C10orf67: variants seen among roughly 807,000 people sequenced by gnomAD.
C10orf67 encodes the protein chromosome 10 open reading frame 67, also known as uncharacterized protein C10orf67, mitochondrial.
Under a neutral mutation model 35.6 loss-of-function variants are expected in C10orf67, and 60 were observed. That is an observed-to-expected ratio of 1.68 (90% CI 1.37 to 2.09). The LOEUF (loss-of-function observed/expected upper bound fraction) is 2.09. C10orf67 is among the 30% of genes most tolerant of loss of function. The pLI is 0.00. For missense variants in C10orf67, 474 were observed against 330.2 expected (o/e 1.44, Z -3.38); for synonymous variants, 167 against 115.8 (o/e 1.44, Z -2.84).
chr10:23,312,190 C>G (rs1422460721), intron 4 of C10orf67, among the ~76,000 whole-genome samples: 1 of 152,066 alleles, frequency 6.6e-6, no homozygotes, highest in African/African-American at 2.4e-5. Flanking sequence ...TTAGTACTTC[C>G]GTAAGACAAA....
chr10:23,242,674 G>A (rs992791502), intron 12 of C10orf67, among the ~76,000 whole-genome samples: 1 of 152,022 alleles, frequency 6.6e-6, no homozygotes, highest in Non-Finnish European at 1.5e-5. Context: ...TGGGAAATTG[G>A]TATCAACAGT....
At chr10:23,219,140 T>C (rs1358496259) in intron 15 of C10orf67, among the ~76,000 whole-genome samples, 1 of 152,222 alleles carries the variant, frequency 6.6e-6, no homozygotes, top group Admixed American at 6.5e-5. Context: ...TCTAATATGT[T>C]ACAATTGTTC....
At chr10:23,323,934 T>TATATATATAC (rs1564513653) in intron 2 of C10orf67, among the ~76,000 whole-genome samples, 1 of 63,792 alleles carries the variant, frequency 1.6e-5, no homozygotes, top group Non-Finnish European at 3.4e-5. Context: ...TATATATATA[T>TATATATATAC]ATATATATAT....
At position 23,320,804 on chromosome 10, in the gene C10orf67, C is replaced by A. The variant is rs769817249; in HGVS notation, c.483G>T (p.Lys161Asn). 3 of 1,581,080 alleles carry A rather than the reference C, an allele frequency of 1.9e-6. No individual in the cohort carries two copies. In the East Asian group the frequency reaches 6.8e-5, roughly 36 times the overall value. The change falls in exon 4 of 16, where the codon AAG becomes AAT. Residue 161 changes from lysine to asparagine, a missense_variant. Lys to Asn is a moderately conservative substitution (Grantham distance 94). Coordinates refer to ENST00000636213, the MANE Select transcript of C10orf67 (RefSeq NM_001371909.1). ...IEKHYQQNED[K>N]MRKSFNQQLA... The stretch of plus-strand genomic sequence containing the variant: ...ACTGCTGATTGAAGGATTTTCTCAT[C>A]TTATCCTCATTCTGCAAACAAAAAT...
intron 7 of C10orf67, among the ~76,000 whole-genome samples, chr10:23,284,682 T>C (rs913472937): frequency 6.6e-6 from 1 of 151,038 alleles, no homozygotes; most frequent in African/African-American, 2.4e-5. Flanking sequence ...CAAGACCTTA[T>C]CTCAAAAAAC....
At chr10:23,297,617 G>A (rs527778036) in intron 5 of C10orf67, among the ~76,000 whole-genome samples, 125 of 152,274 alleles carry the variant, frequency 8.2e-4, no homozygotes, top group African/African-American at 3.0e-3. Context: ...ACTTCCATTA[G>A]TATACAAGTT....
chr10:23,259,708 G>A (rs1842696471), intron 10 of C10orf67, among the ~76,000 whole-genome samples: 1 of 152,054 alleles, frequency 6.6e-6, no homozygotes, highest in Admixed American at 6.5e-5. Flanking sequence ...CATCAGAGAG[G>A]TGGAAAATGT....
At chr10:23,216,602 T>C (rs1036253317) in intron 15 of C10orf67, among the ~76,000 whole-genome samples, 4 of 152,174 alleles carry the variant, frequency 2.6e-5, no homozygotes, top group Admixed American at 6.5e-5. Context: ...GAATATATTG[T>C]AGAATATTCA....
intron 6 of C10orf67, 109 bp downstream of exon 6, chr10:23,291,023 A>C: frequency 1.7e-6 from 1 of 596,196 alleles, no homozygotes; most frequent in Non-Finnish European, 3.0e-6. Flanking sequence ...TTCATCTTTC[A>C]AATGTAAATA....
At chr10:23,307,955 A>T (rs1844348950) in intron 4 of C10orf67, among the ~76,000 whole-genome samples, 1 of 152,136 alleles carries the variant, frequency 6.6e-6, no homozygotes, top group African/African-American at 2.4e-5. Flanking sequence ...GATTATGTAT[A>T]TCTAGTCTTT....
At chr10:23,314,206 G>A (rs1192493721) in intron 4 of C10orf67, among the ~76,000 whole-genome samples, 5 of 137,332 alleles carry the variant, frequency 3.6e-5, no homozygotes, top group African/African-American at 1.2e-4. Flanking sequence ...CAACAACAAC[G>A]AATACCCAAA....
At chr10:23,234,349 A>G (rs1179916201) in intron 13 of C10orf67, among the ~76,000 whole-genome samples, 1 of 152,236 alleles carries the variant, frequency 6.6e-6, no homozygotes, top group Non-Finnish European at 1.5e-5. Flanking sequence ...AGCCATGTCA[A>G]AGAATGAGAT....
intron 2 of C10orf67, among the ~76,000 whole-genome samples, chr10:23,325,475 T>TA (rs34980652): frequency 1.8e-3 from 193 of 105,988 alleles, no homozygotes; most frequent in Admixed American, 4.4e-3. Flanking sequence ...TTTGGGCTGC[T>TA]AAAAAAAAAA....
intron 5 of C10orf67, among the ~76,000 whole-genome samples, chr10:23,295,649 C>G (rs985781832): frequency 6.7e-6 from 1 of 150,096 alleles, no homozygotes; most frequent in African/African-American, 2.5e-5. Flanking sequence ...ATCAAAATTG[C>G]CTTGCCACAT....
At chr10:23,237,212 T>C (rs548987479) in intron 13 of C10orf67, among the ~76,000 whole-genome samples, 1 of 152,300 alleles carries the variant, frequency 6.6e-6, no homozygotes, top group South Asian at 2.1e-4. Flanking sequence ...AAGGACATGA[T>C]CTCGTTCTTT....
At chr10:23,321,343 G>C (rs7095016) in intron 3 of C10orf67, among the ~76,000 whole-genome samples, 60,293 of 152,086 alleles carry the variant, frequency 0.4, 14,773 homozygotes, top group East Asian at 0.74. Context: ...GTATAAACAA[G>C]AAATAGGCTT....
chr10:23,339,085 T>C (rs958413733), intron 1 of C10orf67, among the ~76,000 whole-genome samples: 1 of 152,206 alleles, frequency 6.6e-6, no homozygotes, highest in Non-Finnish European at 1.5e-5. Flanking sequence ...TTCCTGTCTC[T>C]GCAACTTTAG....
chr10:23,224,008 C>T (rs1389850961), intron 13 of C10orf67, among the ~76,000 whole-genome samples, 190 bp from the exon 14 acceptor site: 1 of 152,138 alleles, frequency 6.6e-6, no homozygotes, highest in Non-Finnish European at 1.5e-5. Flanking sequence ...TTCTTCAGAC[C>T]ACTTTGAAAG....
chr10:23,243,075 G>C (rs926156437), intron 12 of C10orf67, among the ~76,000 whole-genome samples: 4 of 152,100 alleles, frequency 2.6e-5, no homozygotes, highest in Non-Finnish European at 5.9e-5. Context: ...TAGTTAAGCA[G>C]ACATTAAGCT....
Sources: allele counts gnomAD v4.1 joint callset (sites outside exome capture counted in the v4.1 genomes callset), GRCh38; gene constraint gnomAD v4.1.1; transcripts MANE v1.5; gene names NCBI Gene and HGNC (gene_info 2026-07-23, HGNC 2026-07-21).